Variants in RAB3GAP2 observed in about 807,000 individuals in gnomAD.
The protein encoded by RAB3GAP2 is RAB3 GTPase activating non-catalytic protein subunit 2.
A neutral mutation model predicts 185.3 loss-of-function variants in RAB3GAP2; 87 were observed. The observed-to-expected ratio is 0.47, with a 90% CI of 0.39 to 0.56. RAB3GAP2 has a LOEUF of 0.56. RAB3GAP2 is among the 20% of genes least tolerant of loss of function. The pLI is 0.00. For missense variants in RAB3GAP2, 1,492 were observed against 1,638.2 expected (o/e 0.91, Z 1.54); for synonymous variants, 554 against 576.1 (o/e 0.96, Z 0.55).
At chr1:220,205,826 G>T in intron 8 of RAB3GAP2, 81 bp downstream of exon 8, 1 of 1,056,646 alleles carries the variant, frequency 9.5e-7, no homozygotes, top group Non-Finnish European at 1.4e-6. Flanking sequence ...TTATTTAGAA[G>T]ACATACTTAA....
intron 1 of RAB3GAP2, among the ~76,000 whole-genome samples, chr1:220,261,965 CTAAT>C (rs1660145005): frequency 6.6e-6 from 1 of 151,814 alleles, no homozygotes; most frequent in Non-Finnish European, 1.5e-5. Context: ...TATTATTAAT[CTAAT>C]TGATTGACAT....
chr1:220,250,293 G>A (rs142759613), intron 1 of RAB3GAP2, among the ~76,000 whole-genome samples: 5,570 of 152,274 alleles, frequency 0.037, 136 homozygotes, highest in Non-Finnish European at 0.047. Context: ...GAACTTTAAG[G>A]TTTAATGACT....
intron 12 of RAB3GAP2, among the ~76,000 whole-genome samples, chr1:220,194,033 T>G (rs890411078): frequency 6.6e-6 from 1 of 152,110 alleles, no homozygotes; most frequent in Non-Finnish European, 1.5e-5. Flanking sequence ...AAATGTGATA[T>G]GTTACAATGT....
intron 1 of RAB3GAP2, among the ~76,000 whole-genome samples, chr1:220,268,477 T>C (rs915469292): frequency 6.6e-6 from 1 of 152,242 alleles, no homozygotes; most frequent in Non-Finnish European, 1.5e-5. Context: ...AAGAGTATCT[T>C]ACCCATTGTA....
chr1:220,210,748 A>C (rs1659067126), intron 6 of RAB3GAP2, 53 bp downstream of exon 6: 1 of 1,498,030 alleles, frequency 6.7e-7, no homozygotes, highest in African/African-American at 1.4e-5. Context: ...GGTGATGCAT[A>C]ACCAGATATT....
At chr1:220,239,573 T>C (rs1335760823) in intron 1 of RAB3GAP2, among the ~76,000 whole-genome samples, 1 of 152,158 alleles carries the variant, frequency 6.6e-6, no homozygotes, top group Non-Finnish European at 1.5e-5. Flanking sequence ...TTAATAATTT[T>C]TTTCTATTCC....
At chr1:220,238,113 T>A (rs985180773) in intron 1 of RAB3GAP2, among the ~76,000 whole-genome samples, 60 of 152,294 alleles carry the variant, frequency 3.9e-4, no homozygotes, top group African/African-American at 1.4e-3. Flanking sequence ...CAATTATAGC[T>A]CACTGCAGCC....
At chr1:220,174,037 A>C (rs1188882531) in intron 21 of RAB3GAP2, among the ~76,000 whole-genome samples, 1 of 151,080 alleles carries the variant, frequency 6.6e-6, no homozygotes, top group Non-Finnish European at 1.5e-5. Context: ...AAAAAAAAAA[A>C]AGAAAAGAAA....
At chr1:220,185,159 CCA>C in intron 18 of RAB3GAP2, among the ~76,000 whole-genome samples, 1 of 152,034 alleles carries the variant, frequency 6.6e-6, no homozygotes, top group Non-Finnish European at 1.5e-5. Context: ...TGTTACAACC[CCA>C]CAGTTTCAAG....
At chr1:220,182,974 C>G in intron 19 of RAB3GAP2, 43 bp from the exon 20 acceptor site, 25 of 1,487,914 alleles carry the variant, frequency 1.7e-5, no homozygotes, top group Non-Finnish European at 2.2e-5. Flanking sequence ...CCACATCTAT[C>G]ACCCACATTA....
At chr1:220,269,273 TAAC>T (rs1243347321) in intron 1 of RAB3GAP2, among the ~76,000 whole-genome samples, 6 of 152,154 alleles carry the variant, frequency 3.9e-5, no homozygotes, top group Admixed American at 2.6e-4. Flanking sequence ...TTGGCTGGTT[TAAC>T]AACAAAAAAG....
Position 220,154,140 on chromosome 1 carries a change from A to G in RAB3GAP2, c.3556-83T>C. 14 of 1,555,906 alleles carry G rather than the reference A, an allele frequency of 9.0e-6. No individual in the cohort carries two copies. In the South Asian group the frequency reaches 1.6e-4, roughly 18 times the overall value. ...AGAAAGATTTGTTTAAAACTTAATA[A>G]TAACTTATGGTTGATTTTTATTTCT... is the stretch of plus-strand genomic sequence containing the variant. On this transcript the variant is annotated intron_variant, in intron 31 of 34. Coordinates refer to ENST00000358951, the MANE Select transcript of RAB3GAP2 (RefSeq NM_012414.4).
chr1:220,182,532 CT>C (rs1658429701), intron 20 of RAB3GAP2, among the ~76,000 whole-genome samples, 178 bp from the exon 21 acceptor site: 1 of 152,162 alleles, frequency 6.6e-6, no homozygotes, highest in Non-Finnish European at 1.5e-5. Context: ...AATATTGTCT[CT>C]TTAGTATACT....
chr1:220,257,611 C>T (rs1322574051), intron 1 of RAB3GAP2, among the ~76,000 whole-genome samples: 1 of 152,114 alleles, frequency 6.6e-6, no homozygotes, highest in Non-Finnish European at 1.5e-5. Context: ...TAAATGCTCA[C>T]ATCAAAAAGC....
intron 26 of RAB3GAP2, among the ~76,000 whole-genome samples, chr1:220,167,079 G>GAAAAT (rs1658081313): frequency 6.6e-6 from 1 of 152,164 alleles, no homozygotes; most frequent in Non-Finnish European, 1.5e-5. Context: ...ATTTTCTTTA[G>GAAAAT]AGTGGGGATA....
chr1:220,260,343 G>A (rs762610187), intron 1 of RAB3GAP2, among the ~76,000 whole-genome samples: 4 of 152,046 alleles, frequency 2.6e-5, no homozygotes, highest in African/African-American at 4.8e-5. Flanking sequence ...CAAAATCAAC[G>A]TAAATGCCCA....
chr1:220,155,389 A>G (rs906282301), intron 31 of RAB3GAP2, among the ~76,000 whole-genome samples: 14 of 152,230 alleles, frequency 9.2e-5, no homozygotes, highest in African/African-American at 3.1e-4. Context: ...TCCTTTAGTG[A>G]TAAGAAAAAC....
Position 220,250,676 on chromosome 1 carries a change from G to C in RAB3GAP2, c.116-17813C>G, listed in dbSNP as rs561020495. Reference sequence around the variant, plus strand: ...CTTCAGATAATCCCCATGTGTTGTGGGAGGGACCTGGTGGTAGGTAATTGA... The same window carrying C: ...CTTCAGATAATCCCCATGTGTTGTGCGAGGGACCTGGTGGTAGGTAATTGA... On this transcript the variant is annotated intron_variant, in intron 1 of 34. Coordinates refer to ENST00000358951, the MANE Select transcript of RAB3GAP2 (RefSeq NM_012414.4). Among the ~76,000 whole-genome samples the C allele has an allele frequency of 1.1e-3, 169 of 152,254 alleles. 1 individual carries two copies. The highest frequency in any genetic ancestry group is 0.01 in the Middle Eastern group (3 of 294).
intron 1 of RAB3GAP2, among the ~76,000 whole-genome samples, chr1:220,269,585 G>C (rs1447177412): frequency 2.6e-5 from 4 of 152,154 alleles, no homozygotes; most frequent in African/African-American, 9.7e-5. Flanking sequence ...AGCCGGGCAT[G>C]GTGGCGCATG....
Sources: gnomAD v4.1 joint callset for allele counts (sites outside exome capture counted in the v4.1 genomes callset) on GRCh38, gnomAD v4.1.1 for gene constraint, MANE v1.5 for transcripts, NCBI Gene and HGNC (gene_info 2026-07-23, HGNC 2026-07-21) for gene names.